Variants in SEMA3D observed in about 807,000 individuals in gnomAD.
SEMA3D encodes the protein semaphorin-3D.
SEMA3D carries 84 observed loss-of-function variants against 100.1 expected under a neutral mutation model. That is an observed-to-expected ratio of 0.84 (90% CI 0.70 to 1.01). The LOEUF (loss-of-function observed/expected upper bound fraction) is 1.01. Ranked by LOEUF, SEMA3D falls within the 50% of genes least tolerant of loss-of-function variation. The probability of loss-of-function intolerance (pLI) is 0.00; values close to 1 mark genes in which losing one functional copy is unlikely to be tolerated. For synonymous variants in SEMA3D, 312 were observed against 320.7 expected, an observed-to-expected ratio of 0.97 and a Z score of 0.29; for missense variants, 875 against 934.1, an observed-to-expected ratio of 0.94 and a Z score of 0.82.
intron 17 of SEMA3D, among the ~76,000 whole-genome samples, chr7:85,011,040 GAAAAC>G (rs930855081): frequency 1.3e-4 from 20 of 151,718 alleles, no homozygotes; most frequent in African/African-American, 4.4e-4. Flanking sequence ...TCATTTCTCT[GAAAAC>G]AAAACAAAAC....
intron 2 of SEMA3D, among the ~76,000 whole-genome samples, chr7:85,149,496 C>G (rs1336943945): frequency 2.0e-5 from 3 of 151,912 alleles, no homozygotes; most frequent in East Asian, 3.9e-4. Context: ...CAAACAAAAA[C>G]CAAAAGTAAC....
chr7:85,003,192 A>T (rs934976412), intron 18 of SEMA3D, among the ~76,000 whole-genome samples: 5 of 152,130 alleles, frequency 3.3e-5, no homozygotes, highest in African/African-American at 1.2e-4. Flanking sequence ...ATTTGTATAC[A>T]TGTTTTTAAA....
At chr7:85,017,117 A>G (rs1790126434) in intron 15 of SEMA3D, among the ~76,000 whole-genome samples, 2 of 151,516 alleles carry the variant, frequency 1.3e-5, no homozygotes, top group Middle Eastern at 6.8e-3. Context: ...CACTCTTCAC[A>G]CTTTTGCAAA....
chr7:85,074,639 T>TA lies in SEMA3D; in HGVS notation c.376-1559_376-1558insT, dbSNP rs200778426. On this transcript the variant is annotated intron_variant, in intron 5 of 18. Transcript: ENST00000284136. ...TCAACTGGCATATATATATATATAT[T>TA]TTTTTTTTTTCTTTGAGACAGGCTG... Among the ~76,000 whole-genome samples, 814 of 137,168 alleles carry TA rather than the reference T, an allele frequency of 5.9e-3. 4 individuals carry two copies. The highest frequency in any genetic ancestry group is 0.011 in the Middle Eastern group (3 of 270). The allele number at this position is 137,168 out of a possible 152,430, so 90.0% of individuals were successfully genotyped here.
intron 1 of SEMA3D, among the ~76,000 whole-genome samples, chr7:85,174,658 T>C (rs887160881): frequency 6.6e-5 from 10 of 152,138 alleles, no homozygotes; most frequent in Non-Finnish European, 1.3e-4. Context: ...CAAGAGCTAC[T>C]GGGGACTGAA....
At position 85,015,079 on chromosome 7, in the gene SEMA3D, T is replaced by C. The variant is rs1353303915; in HGVS notation, c.1683A>G (p.Arg561=). 2.5e-6 allele frequency: 4 copies of C among 1,611,462 alleles called. No individual in the cohort carries two copies. The South Asian group carries it at 3.3e-5, about 13-fold the overall frequency. Residue 561 remains arginine, a synonymous_variant, in exon 16 of 19, where the codon CGA becomes CGG. Coordinates refer to ENST00000284136, the MANE Select transcript of SEMA3D (RefSeq NM_001384900.1). ...CTTACCTTTTAGAAGTAGGAGCATA[T>C]CGAGAGCATGCATTTCCATCCCAGG... ...YCAWDGNACS[R]YAPTSKRRAR...
chr7:85,249,585 T>C, the SEMA3D span, among the ~76,000 whole-genome samples: 1 of 152,164 alleles, frequency 6.6e-6, no homozygotes, highest in Admixed American at 6.5e-5. Context: ...TATCACACTT[T>C]CTTTAACTGA....
intron 1 of SEMA3D, among the ~76,000 whole-genome samples, chr7:85,168,866 AAAG>A (rs1234778856): frequency 2.6e-4 from 37 of 144,774 alleles, no homozygotes; most frequent in African/African-American, 9.4e-4. Flanking sequence ...AGAAAGAAAG[AAAG>A]AAAGAAAGAA....
chr7:84,999,900 A>G, intron 18 of SEMA3D, 35 bp from the exon 19 acceptor site: 2 of 1,565,322 alleles, frequency 1.3e-6, no homozygotes, highest in Non-Finnish European at 1.7e-6. Flanking sequence ...AATAAATTAA[A>G]CACAGAGAGA....
Position 84,999,515 on chromosome 7 carries a change from C to T in SEMA3D, c.2259G>A (p.Met753Ile), listed in dbSNP as rs1178586170. 1.2e-6 allele frequency: 2 copies of T among 1,613,994 alleles called. No homozygotes were observed. Among genetic ancestry groups the T allele is most frequent in the African/African-American group, 1.3e-5 (1 of 74,916 alleles). Residue 753 changes from methionine to isoleucine, a missense_variant, in exon 19 of 19, where the codon ATG becomes ATA. Physicochemically the swap from Met to Ile is conservative, Grantham distance 10. Transcript: ENST00000284136. ...RNKGGPKWKH[M>I]QEMKKKRNRR... is the part of the protein sequence containing the mutation. ...GATTTCGTTTCTTCTTCATTTCCTGCATGTGCTTCCACTTTGGGCCCCCCT... is the reference window on the plus strand; with the variant it reads ...GATTTCGTTTCTTCTTCATTTCCTGTATGTGCTTCCACTTTGGGCCCCCCT...
chr7:85,221,334 G>A, the SEMA3D span, among the ~76,000 whole-genome samples: 1 of 152,140 alleles, frequency 6.6e-6, no homozygotes, highest in South Asian at 2.1e-4. Context: ...AGTAGAAACT[G>A]CATCTTTTTA....
At chr7:85,109,268 G>C (rs747907755) in intron 3 of SEMA3D, among the ~76,000 whole-genome samples, 6 of 151,924 alleles carry the variant, frequency 3.9e-5, no homozygotes, top group Non-Finnish European at 7.4e-5. Context: ...TACATAGACT[G>C]TTCATGTGAC....
chr7:85,033,239 C>T (rs1376799522), intron 12 of SEMA3D, among the ~76,000 whole-genome samples: 1 of 152,062 alleles, frequency 6.6e-6, no homozygotes, highest in African/African-American at 2.4e-5. Context: ...GCAGAAGAGA[C>T]CAGTATGTTG....
chr7:85,129,497 G>A (rs1789665297), intron 2 of SEMA3D, among the ~76,000 whole-genome samples: 1 of 151,908 alleles, frequency 6.6e-6, no homozygotes, highest in South Asian at 2.1e-4. Flanking sequence ...TGTGAGATGA[G>A]GATTTCATCT....
At chr7:85,244,461 C>T in the SEMA3D span, among the ~76,000 whole-genome samples, 1 of 152,100 alleles carries the variant, frequency 6.6e-6, no homozygotes, top group Non-Finnish European at 1.5e-5. Context: ...TATATTTTCT[C>T]CATTCTTTGT....
At chr7:85,229,896 C>T in the SEMA3D span, among the ~76,000 whole-genome samples, 1 of 152,060 alleles carries the variant, frequency 6.6e-6, no homozygotes, top group African/African-American at 2.4e-5. Flanking sequence ...TGTAAGTAAG[C>T]TCCAATGTAC....
At chr7:85,074,258 T>C (rs1408998441) in intron 5 of SEMA3D, among the ~76,000 whole-genome samples, 1 of 152,142 alleles carries the variant, frequency 6.6e-6, no homozygotes, top group Non-Finnish European at 1.5e-5. Flanking sequence ...TCTGCCCAAG[T>C]GGCCATAGGT....
At chr7:85,237,972 G>A in the SEMA3D span, among the ~76,000 whole-genome samples, 3 of 152,168 alleles carry the variant, frequency 2.0e-5, no homozygotes, top group African/African-American at 7.2e-5. Flanking sequence ...TAAAATATGT[G>A]TAGTGGGATA....
At chr7:85,038,312 T>G (rs1376141727) in intron 11 of SEMA3D, among the ~76,000 whole-genome samples, 1 of 152,154 alleles carries the variant, frequency 6.6e-6, no homozygotes, top group East Asian at 1.9e-4. Context: ...TGAGAGGTAA[T>G]GGTAAATAGG....
Sources: gnomAD v4.1 joint callset for allele counts (sites outside exome capture counted in the v4.1 genomes callset) on GRCh38, gnomAD v4.1.1 for gene constraint, MANE v1.5 for transcripts, NCBI Gene and HGNC (gene_info 2026-07-23, HGNC 2026-07-21) for gene names.